Variants in MYOM2 observed in about 807,000 individuals in gnomAD.
MYOM2 encodes the protein myomesin-2.
A neutral mutation model predicts 187.6 loss-of-function variants in MYOM2; 254 were observed. That is an observed-to-expected ratio of 1.35 (90% CI 1.22 to 1.50). The LOEUF is 1.50. MYOM2 is among the 40% of genes most tolerant of loss of function. The pLI, the probability that MYOM2 is intolerant of heterozygous loss-of-function variation, is 0.00. For missense variants in MYOM2, 2,796 were observed against 1,924.0 expected (o/e 1.45, Z -8.48); for synonymous variants, 981 against 753.8 (o/e 1.30, Z -4.94).
intron 27 of MYOM2, 47 bp from the exon 28 acceptor site, chr8:2,117,838 T>C (rs767106791): frequency 2.6e-5 from 36 of 1,408,610 alleles, no homozygotes; most frequent in Non-Finnish European, 3.5e-5. Flanking sequence ...ATTTATTTGT[T>C]TACTTTTTCC....
chr8:2,083,784 G>C (rs1211864675), intron 13 of MYOM2, among the ~76,000 whole-genome samples: 1 of 152,336 alleles, frequency 6.6e-6, no homozygotes, highest in Non-Finnish European at 1.5e-5. Flanking sequence ...TGCCCAGGCT[G>C]ATGAAGATGT....
rs1229359075 is a variant in MYOM2 at position 2,100,938 on chromosome 8, G to T, written c.2503G>T (p.Ala835Ser). The T allele has an allele frequency of 2.5e-6, 4 of 1,614,062 alleles. No homozygotes were observed. Among genetic ancestry groups the T allele is most frequent in the South Asian group, 1.1e-5 (1 of 91,088 alleles). ...CACGTCCTTGGTCATGCTGTGGAAGGCCCCTGTGTACTCCGGCAGCAGCCC... is the reference window on the plus strand; with the variant it reads ...CACGTCCTTGGTCATGCTGTGGAAGTCCCCTGTGTACTCCGGCAGCAGCCC... Reference protein sequence around the residue: ...RDTSLVMLWKAPVYSGSSPVS... With the variant: ...RDTSLVMLWKSPVYSGSSPVS... Residue 835 changes from alanine (A) to serine (S), a missense_variant, in exon 20 of 37, where the codon GCC becomes TCC. Ala to Ser is a moderately conservative substitution (Grantham distance 99, BLOSUM62 1). Transcript: ENST00000262113.
At chr8:2,075,013 G>T (rs1342656556) in intron 10 of MYOM2, among the ~76,000 whole-genome samples, 1 of 152,250 alleles carries the variant, frequency 6.6e-6, no homozygotes, top group African/African-American at 2.4e-5. Flanking sequence ...AGCTCCAGTG[G>T]GGTGCAGGAC....
At chr8:2,057,875 C>G in intron 5 of MYOM2, 95 bp downstream of exon 5, 1 of 1,313,788 alleles carries the variant, frequency 7.6e-7, no homozygotes, top group South Asian at 1.5e-5. Flanking sequence ...TGAACCTGTG[C>G]TGGAGGCCAC....
rs1563059666 is a variant in MYOM2, at chr8:2,106,338, G to A, written c.2831G>A (p.Cys944Tyr). 3 of 1,614,190 alleles carry A rather than the reference G, an allele frequency of 1.9e-6. No homozygotes were observed. Among genetic ancestry groups the A allele is most frequent in the Non-Finnish European group, 2.5e-6 (3 of 1,180,012 alleles). ...ACAGACGCGTCTCAGTTCACCTGGT[G>A]TAAATCCTACGAGGAGATTTCAGAT... is the stretch of plus-strand genomic sequence containing the variant. ...EMTDASQFTW[C>Y]KSYEEISDDE... The change falls in exon 22 of 37, where the codon TGT becomes TAT. Residue 944 changes from cysteine (C) to tyrosine (Y), a missense_variant. Coordinates refer to ENST00000262113, the MANE Select transcript of MYOM2 (RefSeq NM_003970.4).
chr8:2,122,662 C>T (rs180862238), intron 28 of MYOM2, among the ~76,000 whole-genome samples: 107 of 152,324 alleles, frequency 7.0e-4, no homozygotes, highest in Non-Finnish European at 1.2e-3. Flanking sequence ...TCTTCCTCGT[C>T]CCTCAGACCA....
At chr8:2,093,464 G>T (rs1585892857) in intron 16 of MYOM2, among the ~76,000 whole-genome samples, 1 of 152,118 alleles carries the variant, frequency 6.6e-6, no homozygotes, top group Non-Finnish European at 1.5e-5. Context: ...TAGTGCTGTG[G>T]GGTGGGAATT....
At chr8:2,116,755 A>G (rs753778491) in intron 27 of MYOM2, among the ~76,000 whole-genome samples, 2 of 151,956 alleles carry the variant, frequency 1.3e-5, no homozygotes, top group Non-Finnish European at 2.9e-5. Context: ...GGGTTTATTC[A>G]AAGAATTTTT....
chr8:2,095,839 C>T (rs1796463263), intron 17 of MYOM2, among the ~76,000 whole-genome samples: 1 of 152,210 alleles, frequency 6.6e-6, no homozygotes, highest in African/African-American at 2.4e-5. Flanking sequence ...GGAATCGTAT[C>T]TGTCATCTCT....
intron 28 of MYOM2, among the ~76,000 whole-genome samples, chr8:2,121,351 C>T (rs1009557255): frequency 6.6e-6 from 1 of 151,980 alleles, no homozygotes; most frequent in South Asian, 2.1e-4. Flanking sequence ...AGGCCAGTGG[C>T]GAGACCCCCG....
At chr8:2,066,995 T>C (rs912528480) in intron 6 of MYOM2, among the ~76,000 whole-genome samples, 8 of 152,204 alleles carry the variant, frequency 5.3e-5, no homozygotes, top group South Asian at 4.1e-4. Flanking sequence ...CAGACTGGGC[T>C]CTGGTGTGTG....
chr8:2,073,676 C>T (rs563509070), intron 10 of MYOM2, among the ~76,000 whole-genome samples, 176 bp downstream of exon 10: 1 of 152,336 alleles, frequency 6.6e-6, no homozygotes, highest in African/African-American at 2.4e-5. Flanking sequence ...CCAGGTGCTT[C>T]CTGCCGATGA....
In MYOM2 at chr8:2,059,039, G is replaced by T. The variant is rs1343048897; in HGVS notation, c.561-114G>T. 18 of 803,310 alleles carry T rather than the reference G, an allele frequency of 2.2e-5. No homozygotes were observed. In the South Asian group the frequency reaches 2.6e-4, roughly 12 times the overall value. The allele number at this position is 803,310 out of a possible 1,614,324, so 49.8% of individuals were successfully genotyped here. On this transcript the variant is annotated intron_variant, in intron 5 of 36. Coordinates refer to ENST00000262113, the MANE Select transcript of MYOM2 (RefSeq NM_003970.4). ...GGGCTCTGTCCTCCTCCCGCCTGAG[G>T]CTCTAAGGGAAACCTGCAGAAATGG...
intron 23 of MYOM2, among the ~76,000 whole-genome samples, chr8:2,108,101 A>G (rs768296744): frequency 3.3e-5 from 5 of 152,302 alleles, no homozygotes; most frequent in African/African-American, 7.2e-5. Flanking sequence ...TCCATTTTGA[A>G]TAGACATGTT....
At chr8:2,120,675 T>TAAAA (rs1220891042) in intron 28 of MYOM2, among the ~76,000 whole-genome samples, 8 of 41,424 alleles carry the variant, frequency 1.9e-4, no homozygotes, top group South Asian at 7.8e-4. Flanking sequence ...TATATATATA[T>TAAAA]TATATTATAT....
intron 10 of MYOM2, among the ~76,000 whole-genome samples, chr8:2,074,162 A>G (rs1292408474): frequency 6.6e-6 from 1 of 152,232 alleles, no homozygotes; most frequent in Admixed American, 6.5e-5. Flanking sequence ...ATATATATTT[A>G]TAAAATGCCT....
chr8:2,053,610 G>A (rs1181777223), intron 3 of MYOM2, among the ~76,000 whole-genome samples: 1 of 152,256 alleles, frequency 6.6e-6, no homozygotes, highest in Non-Finnish European at 1.5e-5. Flanking sequence ...AGCCTTGGCT[G>A]CTGGAAATTG....
At chr8:2,097,400 A>G (rs1470818198) in intron 18 of MYOM2, among the ~76,000 whole-genome samples, 1 of 152,222 alleles carries the variant, frequency 6.6e-6, no homozygotes, top group Non-Finnish European at 1.5e-5. Flanking sequence ...GTACAATGTG[A>G]TATTTTAATA....
chr8:2,103,264 G>A (rs1199000998), intron 21 of MYOM2, among the ~76,000 whole-genome samples: 1 of 151,782 alleles, frequency 6.6e-6, no homozygotes, highest in Non-Finnish European at 1.5e-5. Flanking sequence ...GAGAGAGTGT[G>A]CATGTATTAT....
Sources: gnomAD v4.1 joint callset for allele counts (sites outside exome capture counted in the v4.1 genomes callset) on GRCh38, gnomAD v4.1.1 for gene constraint, MANE v1.5 for transcripts, NCBI Gene and HGNC (gene_info 2026-07-23, HGNC 2026-07-21) for gene names.